HHIP: variants seen among roughly 807,000 people sequenced by gnomAD.
The protein encoded by HHIP is hedgehog interacting protein, also known as hedgehog-interacting protein.
A neutral mutation model predicts 74.0 loss-of-function variants in HHIP; 12 were observed. That is an observed-to-expected ratio of 0.16 (90% CI 0.10 to 0.26). The LOEUF (loss-of-function observed/expected upper bound fraction) is 0.26, where lower values mean the gene tolerates loss of function less well. Ranked by LOEUF, HHIP falls within the 10% of genes least tolerant of loss-of-function variation. HHIP has a pLI of 1.00. For synonymous variants in HHIP, 309 were observed against 311.6 expected, an observed-to-expected ratio of 0.99 and a Z score of 0.09; for missense variants, 788 against 845.0, an observed-to-expected ratio of 0.93 and a Z score of 0.84.
rs1392283033 is a variant in HHIP at position 144,738,351 on chromosome 4, T to C, written c.*394T>C. 2.0e-6 allele frequency: 2 copies of C among 979,972 alleles called. No individual in the cohort carries two copies. Among genetic ancestry groups the C allele is most frequent in the Non-Finnish European group, 2.4e-6 (2 of 824,590 alleles). 60.7% of individuals were successfully genotyped at this position (979,972 alleles called of 1,614,324 possible). On this transcript the variant is annotated 3_prime_UTR_variant, in exon 13 of 13. Coordinates refer to ENST00000296575, the MANE Select transcript of HHIP (RefSeq NM_022475.3). ...CTTTAATAGAGTTTTGAAACAGTACTGTGCAATCCGATGGATCTAATTAAA... is the reference window on the plus strand; with the variant it reads ...CTTTAATAGAGTTTTGAAACAGTACCGTGCAATCCGATGGATCTAATTAAA...
intron 4 of HHIP, among the ~76,000 whole-genome samples, chr4:144,678,964 C>CA (rs1216386570): frequency 6.6e-6 from 1 of 152,174 alleles, no homozygotes; most frequent in Non-Finnish European, 1.5e-5. Context: ...TACTGTCTTC[C>CA]ACAATGGTTG....
At chr4:144,717,889 C>T (rs1019286127) in intron 10 of HHIP, among the ~76,000 whole-genome samples, 10 of 152,100 alleles carry the variant, frequency 6.6e-5, no homozygotes, top group Non-Finnish European at 1.0e-4. Context: ...TAGCAATTAA[C>T]GGTAACAACT....
chr4:144,676,683 G>T (rs1398056593), intron 4 of HHIP, among the ~76,000 whole-genome samples: 2 of 152,158 alleles, frequency 1.3e-5, no homozygotes, highest in Non-Finnish European at 2.9e-5. Flanking sequence ...TTTCCCCACA[G>T]GAATATCAGT....
At chr4:144,736,010 T>G (rs772894202) in intron 12 of HHIP, among the ~76,000 whole-genome samples, 3 of 152,162 alleles carry the variant, frequency 2.0e-5, no homozygotes, top group Non-Finnish European at 4.4e-5. Context: ...ACCCATCTTC[T>G]CTGTCTTTTT....
In HHIP at chr4:144,712,015, A is replaced by T. The variant is rs200048905; in HGVS notation, c.1367A>T (p.Asn456Ile). Residue 456 changes from asparagine (N) to isoleucine (I), a missense_variant, in exon 8 of 13, where the codon AAT becomes ATT. Physicochemically the swap from Asn to Ile is moderately radical, Grantham distance 149 (BLOSUM62 -3). Transcript: ENST00000296575. ...INLTILCSDS[N>I]GKNRSSARIL... ...TTAACGATACTGTGTTCAGACTCCA[A>T]TGGAAAAAACAGATCATCAGCCAGA... is the stretch of plus-strand genomic sequence containing the variant. The T allele has an allele frequency of 6.2e-7, 1 of 1,611,840 alleles. No homozygotes were observed. Among genetic ancestry groups the T allele is most frequent in the African/African-American group, 1.3e-5 (1 of 74,868 alleles).
At chr4:144,680,410 A>G (rs1729301898) in intron 4 of HHIP, among the ~76,000 whole-genome samples, 1 of 152,192 alleles carries the variant, frequency 6.6e-6, no homozygotes, top group Non-Finnish European at 1.5e-5. Context: ...TTTTTCTTTA[A>G]GACAAGCTTT....
Position 144,714,472 on chromosome 4 carries a change from A to C in HHIP, c.1547+124A>C, listed in dbSNP as rs761945192. 3.3e-6 allele frequency: 3 copies of C among 904,820 alleles called. No individual in the cohort carries two copies. The South Asian group carries it at 5.3e-5, about 16-fold the overall frequency. The allele number at this position is 904,820 out of a possible 1,614,324, so 56.0% of individuals were successfully genotyped here. Reference sequence around the variant, plus strand: ...TGTGCATCAGATGGGGAATACACATAAATATTATTTACTTTTAGTTCCATA... The same window carrying C: ...TGTGCATCAGATGGGGAATACACATCAATATTATTTACTTTTAGTTCCATA... On this transcript the variant is annotated intron_variant, in intron 9 of 12. Coordinates refer to ENST00000296575, the MANE Select transcript of HHIP (RefSeq NM_022475.3).
intron 4 of HHIP, among the ~76,000 whole-genome samples, chr4:144,671,501 T>C (rs937616526): frequency 6.6e-6 from 1 of 152,182 alleles, no homozygotes; most frequent in Middle Eastern, 3.2e-3. Context: ...GGTGACAGCA[T>C]CAATTTTCAG....
rs370343398 is a variant in HHIP, at chr4:144,726,224, A to T, written c.1760+7268A>T. Among the ~76,000 whole-genome samples the T allele has an allele frequency of 1.2e-4, 18 of 152,248 alleles. No homozygotes were observed. In the South Asian group the frequency reaches 3.7e-3, roughly 32 times the overall value. On this transcript the variant is annotated intron_variant, in intron 11 of 12. Transcript: ENST00000296575. ...CAATGGCATTGGCTTTTTTATTATAACCTAATTATTTAGTTTTTATTTTGT... is the reference window on the plus strand; with the variant it reads ...CAATGGCATTGGCTTTTTTATTATATCCTAATTATTTAGTTTTTATTTTGT...
At chr4:144,708,006 G>A (rs529036129) in intron 6 of HHIP, 162 bp from the exon 7 acceptor site, 1 of 704,760 alleles carries the variant, frequency 1.4e-6, no homozygotes, top group Admixed American at 2.7e-5. Context: ...GCTTCCCAAA[G>A]TGCTGGGATT....
intron 4 of HHIP, among the ~76,000 whole-genome samples, chr4:144,689,906 T>A (rs1253142033): frequency 6.6e-6 from 1 of 152,148 alleles, no homozygotes; most frequent in Non-Finnish European, 1.5e-5. Context: ...CCTCCTGGCT[T>A]TAAGCAATTC....
intron 1 of HHIP, among the ~76,000 whole-genome samples, chr4:144,651,881 C>A (rs899322714): frequency 2.0e-5 from 3 of 151,992 alleles, no homozygotes; most frequent in African/African-American, 7.2e-5. Flanking sequence ...AAATTCACTA[C>A]ATATTATTCA....
At chr4:144,705,826 C>T (rs1390261546) in intron 4 of HHIP, among the ~76,000 whole-genome samples, 1 of 152,168 alleles carries the variant, frequency 6.6e-6, no homozygotes, top group African/African-American at 2.4e-5. Context: ...TGTCCCCTTT[C>T]CCCTCTAGCA....
chr4:144,660,115 G>GTT (rs1728671250), intron 4 of HHIP: 2 of 513,218 alleles, frequency 3.9e-6, no homozygotes. Flanking sequence ...GCTTTATAAA[G>GTT]TATTGTTTAA....
chr4:144,707,092 A>G lies in HHIP; in HGVS notation c.989A>G (p.Asn330Ser). ...GTTTTCTTCCCACAATGTAGAAAAAATCCACACCAAGTTGATTTGAGAACA... is the reference window on the plus strand; with the variant it reads ...GTTTTCTTCCCACAATGTAGAAAAAGTCCACACCAAGTTGATTTGAGAACA... ...RVVEYTVSRK[N>S]PHQVDLRTAR... The change falls in exon 6 of 13, where the codon AAT (asparagine) becomes AGT (serine). Residue 330 changes from asparagine (N) to serine (S), a missense_variant. Coordinates refer to ENST00000296575, the MANE Select transcript of HHIP (RefSeq NM_022475.3). 1 of 1,614,020 alleles carries G rather than the reference A, an allele frequency of 6.2e-7. No homozygotes were observed. Among genetic ancestry groups the G allele is most frequent in the Non-Finnish European group, 8.5e-7 (1 of 1,179,890 alleles).
chr4:144,738,560 A>C lies in HHIP; in HGVS notation c.*603A>C. On this transcript the variant is annotated 3_prime_UTR_variant, in exon 13 of 13. Transcript: ENST00000296575. ...TGAGAAATCTGGTTATTTCATCTTA[A>C]TCTCAAGATTGTTTTCAAGTGTTTT... The C allele has an allele frequency of 1.2e-6, 1 of 846,810 alleles. No individual in the cohort carries two copies. Among genetic ancestry groups the C allele is most frequent in the Non-Finnish European group, 1.4e-6 (1 of 703,480 alleles). 52.5% of individuals were successfully genotyped at this position (846,810 alleles called of 1,614,324 possible). A position where few individuals can be genotyped will look rare whatever the true frequency, so the allele number is the denominator to read the frequency against.
chr4:144,652,028 A>G (rs890268751), intron 1 of HHIP, among the ~76,000 whole-genome samples: 3 of 152,068 alleles, frequency 2.0e-5, no homozygotes, highest in African/African-American at 7.2e-5. Flanking sequence ...TTTGGATATT[A>G]TTTTTATAAA....
At chr4:144,733,754 C>T (rs1160303504) in intron 11 of HHIP, among the ~76,000 whole-genome samples, 3 of 152,124 alleles carry the variant, frequency 2.0e-5, no homozygotes, top group South Asian at 4.1e-4. Flanking sequence ...CAGGTAACAG[C>T]GACTGATAGG....
chr4:144,694,871 G>T (rs1266999954), intron 4 of HHIP, among the ~76,000 whole-genome samples: 2 of 151,540 alleles, frequency 1.3e-5, no homozygotes, highest in Non-Finnish European at 3.0e-5. Context: ...TATTTCATTT[G>T]TTTTCAACAT....
Sources: allele counts gnomAD v4.1 joint callset (sites outside exome capture counted in the v4.1 genomes callset), GRCh38; gene constraint gnomAD v4.1.1; transcripts MANE v1.5; gene names NCBI Gene and HGNC (gene_info 2026-07-23, HGNC 2026-07-21).